SETBP1: variants seen among roughly 807,000 people sequenced by gnomAD.
The protein encoded by SETBP1 is SET-binding protein.
Under a neutral mutation model 101.0 loss-of-function variants are expected in SETBP1, and 9 were observed. The observed-to-expected ratio is 0.09, with a 90% confidence interval of 0.05 to 0.16. SETBP1 has a LOEUF of 0.16. Ranked by LOEUF, SETBP1 falls within the 10% of genes least tolerant of loss-of-function variation. The pLI, the probability that SETBP1 is intolerant of heterozygous loss-of-function variation, is 1.00. For missense variants in SETBP1, 1,858 were observed against 2,033.8 expected (o/e 0.91, Z 1.66); for synonymous variants, 818 against 788.5 (o/e 1.04, Z -0.63).
At chr18:45,038,009 C>G (rs73474761) in intron 4 of SETBP1, among the ~76,000 whole-genome samples, 3,013 of 152,236 alleles carry the variant, frequency 0.02, 101 homozygotes, top group African/African-American at 0.068. Flanking sequence ...CCCCAAACAC[C>G]TAGGATAAGT....
chr18:44,893,182 C>T (rs2069812159), intron 3 of SETBP1, among the ~76,000 whole-genome samples: 1 of 152,230 alleles, frequency 6.6e-6, no homozygotes, highest in African/African-American at 2.4e-5. Flanking sequence ...TAAGAACGAG[C>T]AACCTACATG....
In SETBP1 at chr18:44,988,514, A is replaced by G. The variant is rs540190590; in HGVS notation, c.4000+35174A>G. On this transcript the variant is annotated intron_variant, in intron 4 of 5. Coordinates refer to ENST00000649279, the MANE Select transcript of SETBP1 (RefSeq NM_015559.3). ...GTTTACACGTATTTTCAGGTTAGAA[A>G]TGTGGGTACAGGTTCTGAGATGCTA... The G allele has an allele frequency of 2.0e-5, 3 of 152,376 alleles. No individual in the cohort carries two copies. In the South Asian group the frequency reaches 6.2e-4, roughly 32 times the overall value. The allele number at this position is 152,376 out of a possible 1,614,324, so 9.4% of individuals were successfully genotyped here.
At position 44,950,608 on chromosome 18, in the gene SETBP1, C is replaced by A; in HGVS notation, c.1268C>A (p.Ser423Tyr). ...AACCATAAGAGGAAAAAAAGACAGT[C>A]CATTAAAGCGGTGGTGGAAAAGATC... Reference protein sequence around the residue: ...PTNHKRKKRQSIKAVVEKIMP... With the variant: ...PTNHKRKKRQYIKAVVEKIMP... The change falls in exon 4 of 6, where the codon TCC becomes TAC. Residue 423 changes from serine (S) to tyrosine (Y), a missense_variant. Ser to Tyr is a moderately radical substitution (Grantham distance 144, BLOSUM62 -2). Coordinates refer to ENST00000649279, the MANE Select transcript of SETBP1 (RefSeq NM_015559.3). 1.2e-6 allele frequency: 2 copies of A among 1,614,070 alleles called. No individual in the cohort carries two copies. Among genetic ancestry groups the A allele is most frequent in the Non-Finnish European group, 1.7e-6 (2 of 1,180,026 alleles).
intron 3 of SETBP1, among the ~76,000 whole-genome samples, chr18:44,923,399 C>G (rs910335315): frequency 1.3e-5 from 2 of 152,168 alleles, no homozygotes; most frequent in Non-Finnish European, 2.9e-5. Flanking sequence ...TTAGACATGT[C>G]CAGAATCACC....
intron 3 of SETBP1, among the ~76,000 whole-genome samples, chr18:44,896,515 TTTTG>T (rs2069906795): frequency 6.6e-6 from 1 of 152,092 alleles, no homozygotes; most frequent in Non-Finnish European, 1.5e-5. Flanking sequence ...TTTTGTTTTG[TTTTG>T]TTTGTTGGAT....
intron 2 of SETBP1, among the ~76,000 whole-genome samples, chr18:44,818,970 ATGTG>A (rs34458305): frequency 3.0e-4 from 45 of 148,508 alleles, no homozygotes; most frequent in Non-Finnish European, 4.6e-4. Flanking sequence ...ATTTCACTGA[ATGTG>A]TGTGTGTGTG....
Position 44,948,783 on chromosome 18 carries a change from A to T in SETBP1, c.541-1098A>T, listed in dbSNP as rs553932897. 2.6e-5 allele frequency among the ~76,000 whole-genome samples: 4 copies of T among 152,342 alleles called. No individual in the cohort carries two copies. The East Asian group carries it at 7.7e-4, about 29-fold the overall frequency. On this transcript the variant is annotated intron_variant, in intron 3 of 5. Transcript: ENST00000649279. ...CATATTTTTATTAAAAGTAGCTTTA[A>T]TATCTCCAAACGATGTGTTCACTAT...
intron 2 of SETBP1, among the ~76,000 whole-genome samples, chr18:44,792,225 G>A (rs1013122123): frequency 8.5e-5 from 13 of 152,270 alleles, no homozygotes; most frequent in Middle Eastern, 3.4e-3. Context: ...ACTACAATAC[G>A]CAAATACAGT....
chr18:44,730,462 G>A (rs2069814804), intron 2 of SETBP1, among the ~76,000 whole-genome samples: 1 of 152,200 alleles, frequency 6.6e-6, no homozygotes, highest in Admixed American at 6.5e-5. Flanking sequence ...GTATGCAGGA[G>A]TCAGGGAAAG....
intron 1 of SETBP1, among the ~76,000 whole-genome samples, chr18:44,694,897 A>G (rs2068989948): frequency 6.6e-6 from 1 of 152,238 alleles, no homozygotes; most frequent in Admixed American, 6.5e-5. Context: ...TTTGACAAGA[A>G]GTATGACCCA....
intron 2 of SETBP1, among the ~76,000 whole-genome samples, chr18:44,780,786 A>ATTCATTCAT (rs1477497121): frequency 3.9e-5 from 6 of 152,214 alleles, no homozygotes; most frequent in Non-Finnish European, 7.3e-5. Context: ...AGGCAGAGGG[A>ATTCATTCAT]CCAGCATACT....
intron 4 of SETBP1, among the ~76,000 whole-genome samples, chr18:45,012,331 G>T (rs1010631497): frequency 6.6e-6 from 1 of 152,144 alleles, no homozygotes; most frequent in Non-Finnish European, 1.5e-5. Flanking sequence ...GGAGGCTGGG[G>T]AGGCAGATTT....
rs1396566285 is a variant in SETBP1, at chr18:45,065,907, C to A, written c.*2209C>A. 2 of 152,232 alleles carry A rather than the reference C, an allele frequency of 1.3e-5. No homozygotes were observed. The highest frequency in any genetic ancestry group is 1.3e-4 in the Admixed American group (2 of 15,282). 9.4% of individuals were successfully genotyped at this position (152,232 alleles called of 1,614,324 possible). On this transcript the variant is annotated 3_prime_UTR_variant, in exon 6 of 6. Coordinates refer to ENST00000649279, the MANE Select transcript of SETBP1 (RefSeq NM_015559.3). ...GAGAGGAAGGTTTAAATTAGTCCCT[C>A]TCACCCCACCATTGCTATAAAACAG...
chr18:44,850,721 G>A (rs757606515), intron 2 of SETBP1, among the ~76,000 whole-genome samples: 3 of 152,090 alleles, frequency 2.0e-5, no homozygotes, highest in Non-Finnish European at 4.4e-5. Flanking sequence ...CAACTCCTTT[G>A]CTCTGAAAAA....
At chr18:44,978,470 C>T (rs979119357) in intron 4 of SETBP1, among the ~76,000 whole-genome samples, 2 of 152,166 alleles carry the variant, frequency 1.3e-5, no homozygotes, top group African/African-American at 4.8e-5. Flanking sequence ...GAATCTAATC[C>T]TGATAGTATT....
chr18:44,773,443 A>T lies in SETBP1; in HGVS notation c.486+71611A>T, dbSNP rs567321562. Among the ~76,000 whole-genome samples the T allele has an allele frequency of 7.2e-5, 11 of 152,314 alleles. No homozygotes were observed. The East Asian group carries it at 1.7e-3, about 24-fold the overall frequency. On this transcript the variant is annotated intron_variant, in intron 2 of 5. Transcript: ENST00000649279. ...AGCAGGTAAAGAGGAACCCCAGGAGACACTGCAGAGCTGACTCCAGAGAAC... is the reference window on the plus strand; with the variant it reads ...AGCAGGTAAAGAGGAACCCCAGGAGTCACTGCAGAGCTGACTCCAGAGAAC...
intron 2 of SETBP1, among the ~76,000 whole-genome samples, chr18:44,783,437 A>G (rs1262509638): frequency 6.6e-6 from 1 of 152,224 alleles, no homozygotes; most frequent in Non-Finnish European, 1.5e-5. Context: ...TTCATGAGGC[A>G]GATTTCATAA....
Position 44,945,380 on chromosome 18 carries a change from A to G in SETBP1, c.541-4501A>G, listed in dbSNP as rs570135342. ...GAATAGCTATCTACTTTACAAAAGA[A>G]TTCTTTACATTACAGAAGAACTTGC... On this transcript the variant is annotated intron_variant, in intron 3 of 5. Coordinates refer to ENST00000649279, the MANE Select transcript of SETBP1 (RefSeq NM_015559.3). Among the ~76,000 whole-genome samples the G allele has an allele frequency of 2.8e-4, 43 of 152,366 alleles. No individual in the cohort carries two copies. In the South Asian group the frequency reaches 8.5e-3, roughly 30 times the overall value.
intron 3 of SETBP1, among the ~76,000 whole-genome samples, chr18:44,911,391 G>A (rs1182652484): frequency 6.6e-6 from 1 of 152,156 alleles, no homozygotes; most frequent in East Asian, 1.9e-4. Flanking sequence ...AATTGAAAAG[G>A]TCCTTAGAAA....
Sources: gnomAD v4.1 joint callset for allele counts (sites outside exome capture counted in the v4.1 genomes callset) on GRCh38, gnomAD v4.1.1 for gene constraint, MANE v1.5 for transcripts, NCBI Gene and HGNC (gene_info 2026-07-23, HGNC 2026-07-21) for gene names.